Variants in IGSF10 observed in about 807,000 individuals in gnomAD.
IGSF10 encodes calvaria mechanical force protein 608.
In IGSF10, 126 loss-of-function variants were observed where a neutral mutation model predicts 128.2. That is an observed-to-expected ratio of 0.98 (90% CI 0.85 to 1.14). IGSF10 has a LOEUF of 1.14. Ranked by LOEUF, IGSF10 falls within the 50% of genes most tolerant of loss-of-function variation. The pLI is 0.00. For synonymous variants in IGSF10, 1,185 were observed against 1,146.2 expected (o/e 1.03, Z -0.68); for missense variants, 3,295 against 3,149.8 (o/e 1.05, Z -1.10).
At chr3:151,432,690 A>T, downstream of IGSF10, 3 of 1,198,554 alleles carry the variant, frequency 2.5e-6, no homozygotes, top group Non-Finnish European at 3.7e-6. Context: ...ACAAGAGGGT[A>T]GCATCCATCT....
At chr3:151,491,879 A>G in the IGSF10 span, among the ~76,000 whole-genome samples, 2 of 151,810 alleles carry the variant, frequency 1.3e-5, no homozygotes, top group African/African-American at 4.9e-5. Flanking sequence ...ATAAAAATTG[A>G]TATAAAAACC....
chr3:151,490,095 C>T, the IGSF10 span, among the ~76,000 whole-genome samples: 34 of 152,184 alleles, frequency 2.2e-4, no homozygotes, highest in African/African-American at 6.0e-4. Context: ...TCAAGAGTAG[C>T]TGAATGAATT....
chr3:151,446,979 G>A lies in IGSF10; in HGVS notation c.3002C>T (p.Thr1001Ile), dbSNP rs1673413105. The change falls in exon 6 of 8, where the codon ACA (threonine) becomes ATA (isoleucine). Residue 1001 changes from threonine (T) to isoleucine (I), a missense_variant. Thr to Ile is a moderately conservative substitution (Grantham distance 89). Transcript: ENST00000282466. The part of the protein sequence containing the change: ...HSQFPIPRNS[T>I]VNIPLFRRFG... The stretch of plus-strand genomic sequence containing the variant: ...GCGTCTGAACAGCGGGATGTTAACT[G>A]TACTATTTCTAGGGATCGGAAACTG... 1.9e-6 allele frequency: 3 copies of A among 1,614,202 alleles called. No individual in the cohort carries two copies. The highest frequency in any genetic ancestry group is 2.5e-6 in the Non-Finnish European group (3 of 1,180,040).
chr3:151,556,700 C>A, the IGSF10 span, among the ~76,000 whole-genome samples: 5 of 152,154 alleles, frequency 3.3e-5, no homozygotes, highest in Middle Eastern at 3.4e-3. Context: ...TCCTCTCCAG[C>A]CTTTGAGAGG....
the IGSF10 span, among the ~76,000 whole-genome samples, chr3:151,498,325 T>C: frequency 1.4e-3 from 218 of 152,272 alleles, 2 homozygotes; most frequent in Non-Finnish European, 2.5e-3. Context: ...ATAGCTCTCA[T>C]TATTTTGAGA....
the IGSF10 span, among the ~76,000 whole-genome samples, chr3:151,506,913 T>C: frequency 6.6e-5 from 10 of 152,230 alleles, no homozygotes; most frequent in Non-Finnish European, 1.3e-4. Context: ...CCTATATGCA[T>C]ATGTGATATT....
the IGSF10 span, among the ~76,000 whole-genome samples, chr3:151,507,479 C>T: frequency 6.6e-6 from 1 of 152,120 alleles, no homozygotes; most frequent in Non-Finnish European, 1.5e-5. Flanking sequence ...TCTCATCCTG[C>T]TATAAAGGAC....
the IGSF10 span, among the ~76,000 whole-genome samples, chr3:151,535,547 T>C: frequency 3.3e-5 from 5 of 152,170 alleles, no homozygotes; most frequent in Non-Finnish European, 5.9e-5. Context: ...ACCATCACTA[T>C]ATATACTCAT....
At chr3:151,532,287 T>G in the IGSF10 span, among the ~76,000 whole-genome samples, 1 of 152,182 alleles carries the variant, frequency 6.6e-6, no homozygotes. Context: ...TCTGAAATTG[T>G]TCCTAACCAT....
At chr3:151,498,015 A>G in the IGSF10 span, among the ~76,000 whole-genome samples, 1 of 152,298 alleles carries the variant, frequency 6.6e-6, no homozygotes, top group South Asian at 2.1e-4. Context: ...ATTTTTGCAC[A>G]TTGATTTTGT....
chr3:151,505,526 G>T, the IGSF10 span, among the ~76,000 whole-genome samples: 1 of 152,042 alleles, frequency 6.6e-6, no homozygotes, highest in African/African-American at 2.4e-5. Flanking sequence ...AAATTATCAG[G>T]TGAAAAGGGG....
chr3:151,514,775 AAAAC>A, the IGSF10 span, among the ~76,000 whole-genome samples: 3 of 152,192 alleles, frequency 2.0e-5, no homozygotes, highest in African/African-American at 7.2e-5. Context: ...TTACAAGAAA[AAAAC>A]AAACAACCCC....
chr3:151,504,770 C>T, the IGSF10 span, among the ~76,000 whole-genome samples: 1 of 152,168 alleles, frequency 6.6e-6, no homozygotes, highest in Non-Finnish European at 1.5e-5. Flanking sequence ...TTTAGCCAAA[C>T]GTGGCCAACT....
At chr3:151,442,889 C>T in intron 7 of IGSF10, 95 bp downstream of exon 7, 1 of 1,110,282 alleles carries the variant, frequency 9.0e-7, no homozygotes, top group Non-Finnish European at 1.3e-6. Flanking sequence ...TACTCTAAAA[C>T]TGCTGCTAGC....
chr3:151,505,182 A>G, the IGSF10 span, among the ~76,000 whole-genome samples: 1 of 152,184 alleles, frequency 6.6e-6, no homozygotes, highest in African/African-American at 2.4e-5. Context: ...TAAAGAAAAG[A>G]GGTTTAATTG....
chr3:151,498,965 T>C, the IGSF10 span, among the ~76,000 whole-genome samples: 1 of 152,164 alleles, frequency 6.6e-6, no homozygotes, highest in Non-Finnish European at 1.5e-5. Context: ...TAGGATTTTT[T>C]TTCAAGAGAT....
chr3:151,599,992 G>A, the IGSF10 span, among the ~76,000 whole-genome samples: 1 of 152,154 alleles, frequency 6.6e-6, no homozygotes, highest in African/African-American at 2.4e-5. Context: ...GAGAATGCAG[G>A]AGTGTAATAA....
At chr3:151,575,758 G>C in the IGSF10 span, among the ~76,000 whole-genome samples, 1 of 152,166 alleles carries the variant, frequency 6.6e-6, no homozygotes, top group Non-Finnish European at 1.5e-5. Flanking sequence ...CCAATGAGAT[G>C]AACCAGGTAC....
At chr3:151,609,532 A>G in the IGSF10 span, among the ~76,000 whole-genome samples, 1 of 152,150 alleles carries the variant, frequency 6.6e-6, no homozygotes, top group South Asian at 2.1e-4. Flanking sequence ...CACAAAAAAA[A>G]AACACATGCA....
Sources: gnomAD v4.1 joint callset for allele counts (sites outside exome capture counted in the v4.1 genomes callset) on GRCh38, gnomAD v4.1.1 for gene constraint, MANE v1.5 for transcripts, NCBI Gene and HGNC (gene_info 2026-07-23, HGNC 2026-07-21) for gene names.